Variants in LINGO2 observed in about 807,000 individuals in gnomAD.
LINGO2 encodes the protein leucine rich repeat and Ig domain containing 2, also known as leucine-rich repeat and immunoglobulin-like domain-containing nogo receptor-interacting protein 2.
Under a neutral mutation model 30.6 loss-of-function variants are expected in LINGO2, and 14 were observed. That is an observed-to-expected ratio of 0.46 (90% CI 0.30 to 0.72). The LOEUF is 0.72. Ranked by LOEUF, LINGO2 falls within the 30% of genes least tolerant of loss-of-function variation. LINGO2 has a pLI of 0.07. For missense variants in LINGO2, 729 were observed against 751.7 expected, an observed-to-expected ratio of 0.97 and a Z score of 0.35; for synonymous variants, 317 against 288.5, an observed-to-expected ratio of 1.10 and a Z score of -1.00.
intron 1 of LINGO2, among the ~76,000 whole-genome samples, chr9:28,594,141 C>T (rs1334961283): frequency 6.6e-6 from 1 of 151,798 alleles, no homozygotes; most frequent in East Asian, 1.9e-4. Context: ...TATAAAAGAG[C>T]AAAATCAATT....
In LINGO2 at chr9:28,315,632, T is replaced by A. The variant is rs1421353289; in HGVS notation, c.-245-20266A>T. Among the ~76,000 whole-genome samples, 8 of 152,308 alleles carry A rather than the reference T, an allele frequency of 5.3e-5. No homozygotes were observed. The East Asian group carries it at 5.8e-4, about 11-fold the overall frequency. ...AGAAGGGCTGGTTAAGTGAAAGAGA[T>A]CTTAAAAGCATTGGTAGATGATTTA... On this transcript the variant is annotated intron_variant, in intron 3 of 5. Transcript: ENST00000379992.
chr9:29,116,613 T>C, the LINGO2 span, among the ~76,000 whole-genome samples: 2 of 152,090 alleles, frequency 1.3e-5, no homozygotes, highest in East Asian at 3.9e-4. Context: ...TCTGTAGAAG[T>C]ACAGTGAATT....
the LINGO2 span, among the ~76,000 whole-genome samples, chr9:29,012,768 T>C: frequency 1.3e-5 from 2 of 152,176 alleles, no homozygotes; most frequent in African/African-American, 4.8e-5. Context: ...AAAGTAACTG[T>C]CACAAAACAT....
intron 4 of LINGO2, among the ~76,000 whole-genome samples, chr9:28,165,406 A>T (rs866723760): frequency 6.6e-6 from 1 of 152,202 alleles, no homozygotes; most frequent in African/African-American, 2.4e-5. Flanking sequence ...GAGGTAATTC[A>T]TCACTGTCCT....
chr9:28,429,449 A>G (rs545452848), intron 2 of LINGO2, among the ~76,000 whole-genome samples: 12 of 152,296 alleles, frequency 7.9e-5, no homozygotes, highest in African/African-American at 2.4e-4. Flanking sequence ...AGAAACATCA[A>G]TCTCTCTTTG....
the LINGO2 span, among the ~76,000 whole-genome samples, chr9:29,212,228 A>ACTGCCGCTCACGTCCCCCGCCC: frequency 6.6e-6 from 1 of 151,858 alleles, no homozygotes; most frequent in Non-Finnish European, 1.5e-5. Flanking sequence ...GCGCGCCGGG[A>ACTGCCGCTCACGTCCCCCGCCC]CTGCCGCTCA....
the LINGO2 span, among the ~76,000 whole-genome samples, chr9:28,875,325 G>T: frequency 6.6e-6 from 1 of 151,814 alleles, no homozygotes; most frequent in South Asian, 2.1e-4. Flanking sequence ...GTTTGTGTAC[G>T]TCTACACAAA....
chr9:29,110,322 A>G, the LINGO2 span, among the ~76,000 whole-genome samples: 1 of 152,006 alleles, frequency 6.6e-6, no homozygotes, highest in South Asian at 2.1e-4. Flanking sequence ...GTACAGCTAC[A>G]GTTTTGTTTG....
At chr9:28,877,627 C>A in the LINGO2 span, among the ~76,000 whole-genome samples, 9 of 152,108 alleles carry the variant, frequency 5.9e-5, no homozygotes, top group Non-Finnish European at 1.3e-4. Context: ...GTTTTGGTAC[C>A]AGTACCATGC....
the LINGO2 span, among the ~76,000 whole-genome samples, chr9:29,213,306 C>A: frequency 6.6e-6 from 1 of 152,158 alleles, no homozygotes; most frequent in Non-Finnish European, 1.5e-5. Flanking sequence ...CCCTTTCTCC[C>A]CTTAATTTGG....
intron 1 of LINGO2, among the ~76,000 whole-genome samples, chr9:28,489,896 C>CAAAAAAAAAAAAAA (rs36068240): frequency 1.5e-5 from 1 of 66,918 alleles, no homozygotes. Flanking sequence ...GACTTTGTCT[C>CAAAAAAAAAAAAAA]AAAAAAAAAA....
At chr9:29,005,189 T>G in the LINGO2 span, among the ~76,000 whole-genome samples, 2 of 152,012 alleles carry the variant, frequency 1.3e-5, no homozygotes, top group African/African-American at 4.8e-5. Context: ...TATATGCAAA[T>G]TCAGCAAAAT....
At chr9:28,273,435 A>G (rs1168019593) in intron 4 of LINGO2, among the ~76,000 whole-genome samples, 1 of 152,218 alleles carries the variant, frequency 6.6e-6, no homozygotes, top group Non-Finnish European at 1.5e-5. Context: ...GGAAGCTTTC[A>G]CTCAGGGAAA....
chr9:29,133,442 C>A, the LINGO2 span, among the ~76,000 whole-genome samples: 2 of 151,978 alleles, frequency 1.3e-5, no homozygotes, highest in South Asian at 2.1e-4. Context: ...TATTAAAGAA[C>A]CTTGAACATT....
At chr9:28,306,399 T>A (rs1264316269) in intron 3 of LINGO2, among the ~76,000 whole-genome samples, 2 of 152,128 alleles carry the variant, frequency 1.3e-5, no homozygotes, top group Non-Finnish European at 2.9e-5. Flanking sequence ...AGACACAACG[T>A]ACCAGAATCT....
chr9:29,168,924 G>A, the LINGO2 span, among the ~76,000 whole-genome samples: 1 of 152,030 alleles, frequency 6.6e-6, no homozygotes, highest in Non-Finnish European at 1.5e-5. Context: ...AAATATTAAA[G>A]ATATAAGGTT....
intron 4 of LINGO2, among the ~76,000 whole-genome samples, chr9:28,095,637 G>C (rs1034256960): frequency 6.6e-6 from 1 of 151,904 alleles, no homozygotes; most frequent in Non-Finnish European, 1.5e-5. Flanking sequence ...TACCATTCAG[G>C]ACATAGGCAT....
chr9:28,127,081 GA>G (rs1428935602), intron 4 of LINGO2, among the ~76,000 whole-genome samples: 1 of 152,190 alleles, frequency 6.6e-6, no homozygotes, highest in Non-Finnish European at 1.5e-5. Flanking sequence ...TTAGGTAGAT[GA>G]AATTTCGCTG....
At chr9:27,995,317 A>G (rs1821604446) in intron 5 of LINGO2, among the ~76,000 whole-genome samples, 1 of 152,104 alleles carries the variant, frequency 6.6e-6, no homozygotes, top group African/African-American at 2.4e-5. Context: ...ATATTTAAAG[A>G]CCTAATACTA....
Sources: gnomAD v4.1 joint callset for allele counts (sites outside exome capture counted in the v4.1 genomes callset) on GRCh38, gnomAD v4.1.1 for gene constraint, MANE v1.5 for transcripts, NCBI Gene and HGNC (gene_info 2026-07-23, HGNC 2026-07-21) for gene names.